The following MROH7 variants were observed in gnomAD, a reference collection of about 807,000 sequenced individuals.
MROH7 encodes the protein maestro heat-like repeat-containing protein family member 7.
In MROH7, 113 loss-of-function variants were observed where a neutral mutation model predicts 129.2. That is an observed-to-expected ratio of 0.87 (90% CI 0.75 to 1.02). The LOEUF is 1.02. Ranked by LOEUF, MROH7 falls within the 50% of genes least tolerant of loss-of-function variation. The pLI is 0.00. For missense variants in MROH7, 1,601 were observed against 1,671.3 expected (o/e 0.96, Z 0.73); for synonymous variants, 655 against 667.9 (o/e 0.98, Z 0.30).
chr1:54,664,314 T>C (rs551467797), intron 3 of MROH7, among the ~76,000 whole-genome samples: 2 of 152,342 alleles, frequency 1.3e-5, no homozygotes, highest in Admixed American at 1.3e-4. Context: ...CTATGAATTG[T>C]GGTACCTGCT....
intron 11 of MROH7, 55 bp from the exon 12 acceptor site, chr1:54,679,208 G>A: frequency 6.3e-7 from 1 of 1,588,756 alleles, no homozygotes; most frequent in Non-Finnish European, 8.6e-7. Context: ...AAAGCTCGAA[G>A]CTCAAAGCTC....
chr1:54,688,977 GA>G (rs558789759), intron 15 of MROH7, among the ~76,000 whole-genome samples: 16 of 152,360 alleles, frequency 1.1e-4, no homozygotes, highest in African/African-American at 3.8e-4. Flanking sequence ...GAAGCAGCCT[GA>G]GAGGCAGAAA....
chr1:54,673,826 G>T (rs2101115665), intron 9 of MROH7, 21 bp downstream of exon 9: 1 of 1,594,214 alleles, frequency 6.3e-7, no homozygotes, highest in East Asian at 2.2e-5. Context: ...CCTGGGAGGG[G>T]TGGACACTCT....
chr1:54,700,200 C>A, intron 17 of MROH7, 121 bp from the exon 18 acceptor site: 1 of 1,341,286 alleles, frequency 7.5e-7, no homozygotes, highest in Middle Eastern at 1.8e-4. Flanking sequence ...GTTGGTTTTG[C>A]AAGTCTGAAG....
chr1:54,645,563 G>A (rs959193934), intron 1 of MROH7, among the ~76,000 whole-genome samples: 4 of 151,762 alleles, frequency 2.6e-5, no homozygotes, highest in African/African-American at 9.7e-5. Context: ...TTACAGGTGT[G>A]AGCCACCGTG....
chr1:54,679,240 T>C (rs1468706821), intron 11 of MROH7, 23 bp from the exon 12 acceptor site: 3 of 1,613,794 alleles, frequency 1.9e-6, no homozygotes, highest in African/African-American at 2.7e-5. Context: ...CAGTGTGTCA[T>C]GATCTCAGCA....
intron 17 of MROH7, chr1:54,700,033 TGTGGGCTGGAGG>T: frequency 1.5e-6 from 1 of 646,656 alleles, no homozygotes; most frequent in Non-Finnish European, 2.9e-6. Context: ...GTGGTGAGGG[TGTGGGCTGGAGG>T]GTGGGCACGC....
At position 54,653,227 on chromosome 1, in the gene MROH7, T is replaced by A; in HGVS notation, c.301T>A (p.Ser101Thr). 6.2e-7 allele frequency: 1 copy of A among 1,614,166 alleles called. No homozygotes were observed. Among genetic ancestry groups the A allele is most frequent in the Non-Finnish European group, 8.5e-7 (1 of 1,180,028 alleles). ...CTCCCTCCAGATCACCAGTTCTTGT[T>A]CTGGTGAAGCCCTGGACCTGGATTC... ...PASLQITSSC[S>T]GEALDLDSKD... The change falls in exon 3 of 24, where the codon TCT becomes ACT. Residue 101 changes from serine to threonine, a missense_variant. Ser to Thr is a moderately conservative substitution (Grantham distance 58). Coordinates refer to ENST00000421030, the MANE Select transcript of MROH7 (RefSeq NM_001039464.4).
At chr1:54,649,962 A>C (rs1312519322) in intron 1 of MROH7, among the ~76,000 whole-genome samples, 2 of 152,196 alleles carry the variant, frequency 1.3e-5, no homozygotes, top group Admixed American at 1.3e-4. Flanking sequence ...GGCAGATGCA[A>C]AGCTGTGCAG....
intron 13 of MROH7, among the ~76,000 whole-genome samples, chr1:54,680,535 A>G (rs1048552871): frequency 1.3e-5 from 2 of 152,212 alleles, no homozygotes; most frequent in African/African-American, 4.8e-5. Flanking sequence ...TGGTCATGAC[A>G]GTAATGCAGC....
rs766969446 is a variant in MROH7, at chr1:54,708,969, C to T, written c.3668-45C>T. On this transcript the variant is annotated intron_variant, in intron 22 of 23. Coordinates refer to ENST00000421030, the MANE Select transcript of MROH7 (RefSeq NM_001039464.4). ...GTCTAAGGGTGGGTTGGGGTGGGGT[C>T]GACGTCGGAAGACAAATGCCCTCAC... is the stretch of plus-strand genomic sequence containing the variant. 13 of 1,591,488 alleles carry T rather than the reference C, an allele frequency of 8.2e-6. No individual in the cohort carries two copies. The Admixed American group carries it at 1.5e-4, about 18-fold the overall frequency.
rs763252501 is a variant in MROH7 at position 54,709,098 on chromosome 1, T to C, written c.3730+22T>C. ...GCTGGTAAGTCATGCCCCGCATTGG[T>C]GAAATTTCAGGGGACAGTGAGACAG... On this transcript the variant is annotated intron_variant, in intron 23 of 23. Transcript: ENST00000421030. 3 of 1,612,818 alleles carry C rather than the reference T, an allele frequency of 1.9e-6. No homozygotes were observed. The Admixed American group carries it at 5.0e-5, about 27-fold the overall frequency.
intron 1 of MROH7, 162 bp from the exon 2 acceptor site, chr1:54,651,787 A>ACTTTCT (rs1553168946): frequency 1.6e-5 from 2 of 128,710 alleles, no homozygotes; most frequent in East Asian, 2.4e-4. Flanking sequence ...TATTAAACTT[A>ACTTTCT]CTCTCTCTCT....
intron 21 of MROH7, 87 bp from the exon 22 acceptor site, chr1:54,706,348 G>A: frequency 1.1e-6 from 1 of 940,206 alleles, no homozygotes; most frequent in Non-Finnish European, 1.7e-6. Flanking sequence ...CAGGGGGTGA[G>A]GGTCACCATT....
intron 15 of MROH7, among the ~76,000 whole-genome samples, chr1:54,688,762 G>A (rs1272232205): frequency 2.6e-5 from 4 of 152,172 alleles, no homozygotes; most frequent in Non-Finnish European, 5.9e-5. Context: ...TGAGAGCATT[G>A]CCCAGAAGGC....
intron 17 of MROH7, chr1:54,697,620 C>G (rs907084000): frequency 1.4e-6 from 1 of 699,702 alleles, no homozygotes; most frequent in Admixed American, 2.0e-5. Flanking sequence ...TTGTATTGAC[C>G]TCTTTCAAAT....
chr1:54,708,491 C>G (rs927298371), intron 22 of MROH7, among the ~76,000 whole-genome samples: 12 of 152,122 alleles, frequency 7.9e-5, no homozygotes, highest in Non-Finnish European at 4.4e-5. Context: ...TAAGGACCTG[C>G]AAATACTGCA....
In MROH7 at chr1:54,665,553, G is replaced by T. The variant is rs565964320; in HGVS notation, c.1305+313G>T. The T allele has an allele frequency of 1.9e-5, 4 of 207,900 alleles. No individual in the cohort carries two copies. In the East Asian group the frequency reaches 4.9e-4, roughly 25 times the overall value. The allele number at this position is 207,900 out of a possible 1,614,324, so 12.9% of individuals were successfully genotyped here. ...ATAAAATATTTTTAAACAATTGAAT[G>T]AATTGTGAGAGGGGCTCTGAAAGGG... On this transcript the variant is annotated intron_variant, in intron 4 of 23. Coordinates refer to ENST00000421030, the MANE Select transcript of MROH7 (RefSeq NM_001039464.4).
chr1:54,674,258 TG>T, intron 10 of MROH7, 107 bp downstream of exon 10: 1 of 1,324,724 alleles, frequency 7.5e-7, no homozygotes, highest in Non-Finnish European at 1.0e-6. Context: ...TGGTGGGAGA[TG>T]GGGGAAACCA....
Sources: allele counts gnomAD v4.1 joint callset (sites outside exome capture counted in the v4.1 genomes callset), GRCh38; gene constraint gnomAD v4.1.1; transcripts MANE v1.5; gene names NCBI Gene and HGNC (gene_info 2026-07-23, HGNC 2026-07-21).